ZNF560: variants seen among roughly 807,000 people sequenced by gnomAD.
ZNF560 encodes zinc finger protein 560.
A neutral mutation model predicts 81.8 loss-of-function variants in ZNF560; 54 were observed. The observed-to-expected ratio is 0.66, with a 90% CI of 0.53 to 0.83. The LOEUF is 0.83. Ranked by LOEUF, ZNF560 falls within the 40% of genes least tolerant of loss-of-function variation. ZNF560 has a pLI of 0.00. For synonymous variants in ZNF560, 321 were observed against 317.9 expected, an observed-to-expected ratio of 1.01 and a Z score of -0.10; for missense variants, 940 against 932.4, an observed-to-expected ratio of 1.01 and a Z score of -0.11.
intron 7 of ZNF560, among the ~76,000 whole-genome samples, chr19:9,470,134 G>C (rs2073097779): frequency 6.6e-6 from 1 of 152,084 alleles, no homozygotes; most frequent in African/African-American, 2.4e-5. Context: ...TTTTGATTTA[G>C]TACATCGAGT....
chr19:9,487,562 G>A (rs1015821922), intron 2 of ZNF560, among the ~76,000 whole-genome samples: 6 of 152,212 alleles, frequency 3.9e-5, no homozygotes, highest in African/African-American at 1.4e-4. Context: ...ATGCCATGCA[G>A]GGGTCCATGC....
intron 9 of ZNF560, among the ~76,000 whole-genome samples, chr19:9,468,884 T>C (rs1821273): frequency 0.1 from 15,524 of 151,980 alleles, 952 homozygotes; most frequent in South Asian, 0.2. Flanking sequence ...TACACACCAC[T>C]ATGCCCAGCT....
chr19:9,503,928 C>T, the ZNF560 span, among the ~76,000 whole-genome samples: 16 of 152,206 alleles, frequency 1.1e-4, no homozygotes, highest in South Asian at 1.9e-3. Context: ...AATAATTAAA[C>T]GAAGCTAATT....
intron 2 of ZNF560, among the ~76,000 whole-genome samples, chr19:9,497,341 C>A (rs936377418): frequency 6.6e-6 from 1 of 151,996 alleles, no homozygotes; most frequent in Non-Finnish European, 1.5e-5. Context: ...AGCTTACCAT[C>A]CTGGCTATCA....
chr19:9,493,638 T>C (rs2073507602), intron 2 of ZNF560, among the ~76,000 whole-genome samples: 1 of 152,130 alleles, frequency 6.6e-6, no homozygotes, highest in Non-Finnish European at 1.5e-5. Context: ...TTACAGGTGT[T>C]AGCCACCACA....
the ZNF560 span, among the ~76,000 whole-genome samples, chr19:9,455,321 C>CT: frequency 2.7e-4 from 41 of 152,326 alleles, no homozygotes; most frequent in African/African-American, 8.4e-4. Flanking sequence ...ATGGGACACT[C>CT]TTACTCGAGC....
intron 2 of ZNF560, among the ~76,000 whole-genome samples, chr19:9,479,779 T>C (rs2073257424): frequency 6.6e-6 from 1 of 152,044 alleles, no homozygotes; most frequent in Admixed American, 6.6e-5. Context: ...AAAGATATTT[T>C]AAAGTACATG....
intron 2 of ZNF560, among the ~76,000 whole-genome samples, chr19:9,481,081 T>TC (rs1568459742): frequency 4.4e-4 from 40 of 90,316 alleles, no homozygotes; most frequent in African/African-American, 1.5e-3. Flanking sequence ...AGAGATTATC[T>TC]GAAAAAAAAA....
At chr19:9,454,067 G>A in the ZNF560 span, among the ~76,000 whole-genome samples, 15 of 152,298 alleles carry the variant, frequency 9.8e-5, no homozygotes, top group East Asian at 9.7e-4. Context: ...CACCCAGGGC[G>A]GAAAACTTCT....
At chr19:9,503,932 G>C in the ZNF560 span, among the ~76,000 whole-genome samples, 1 of 152,118 alleles carries the variant, frequency 6.6e-6, no homozygotes, top group Non-Finnish European at 1.5e-5. Flanking sequence ...ATTAAACGAA[G>C]CTAATTAACA....
rs2073092846 is a variant in ZNF560 at position 9,469,708 on chromosome 19, A to C, written c.451T>G (p.Tyr151Asp). Reference protein sequence around the residue: ...ENYKNLSSVGYQLFKPSLISW... With the variant: ...ENYKNLSSVGDQLFKPSLISW... Reference sequence around the variant, plus strand: ...ATCAGACTGGGTTTGAAGAGCTGGTAACCTGTACACAGGGAAAGATACACC... The same window carrying C: ...ATCAGACTGGGTTTGAAGAGCTGGTCACCTGTACACAGGGAAAGATACACC... Residue 151 changes from tyrosine to aspartate, a missense_variant and splice_region_variant, in exon 8 of 10, where the codon TAC becomes GAC. Tyr to Asp is a radical substitution (Grantham distance 160). Transcript: ENST00000301480. The C allele has an allele frequency of 6.2e-7, 1 of 1,614,026 alleles. No individual in the cohort carries two copies. Among genetic ancestry groups the C allele is most frequent in the Admixed American group, 1.7e-5 (1 of 59,994 alleles).
At chr19:9,488,469 C>T (rs1017119083) in intron 2 of ZNF560, among the ~76,000 whole-genome samples, 24 of 152,026 alleles carry the variant, frequency 1.6e-4, no homozygotes, top group African/African-American at 5.3e-4. Context: ...TTGTGACAAT[C>T]TCATTTGGTC....
intron 6 of ZNF560, 99 bp from the exon 7 acceptor site, chr19:9,470,617 G>A (rs2073106663): frequency 2.6e-6 from 4 of 1,556,138 alleles, no homozygotes; most frequent in African/African-American, 1.4e-5. Flanking sequence ...ACAGGGTACT[G>A]AGTGCTCCCA....
chr19:9,460,199 C>T, the ZNF560 span, among the ~76,000 whole-genome samples: 2 of 152,144 alleles, frequency 1.3e-5, no homozygotes, highest in African/African-American at 4.8e-5. Flanking sequence ...CTGGTGGCAG[C>T]ATTGTCCAAG....
downstream of ZNF560, among the ~76,000 whole-genome samples, chr19:9,463,727 G>C (rs187024794): frequency 6.6e-6 from 1 of 152,304 alleles, no homozygotes; most frequent in East Asian, 1.9e-4. Context: ...CTGTCACCCA[G>C]GTTGGAGTCC....
At chr19:9,478,218 G>A (rs534541817) in intron 2 of ZNF560, among the ~76,000 whole-genome samples, 1 of 152,150 alleles carries the variant, frequency 6.6e-6, no homozygotes, top group African/African-American at 2.4e-5. Flanking sequence ...GACCTTACAG[G>A]CCAGGAGAGA....
chr19:9,468,308 G>A lies in ZNF560; in HGVS notation c.639C>T (p.Leu213=). Residue 213 remains leucine, a synonymous_variant, in exon 10 of 10, where the codon CTC becomes CTT. Transcript: ENST00000301480. ...CATCTTCACATTGCTTACAGTCATA[G>A]AGTTCCTCTCCATTTTGGTTTCTTG... ...QLARNQNGEE[L]YDCKQCEDVF... 1 of 1,600,948 alleles carries A rather than the reference G, an allele frequency of 6.2e-7. No homozygotes were observed. Among genetic ancestry groups the A allele is most frequent in the Non-Finnish European group, 8.5e-7 (1 of 1,175,276 alleles).
downstream of ZNF560, among the ~76,000 whole-genome samples, chr19:9,463,699 G>GT (rs2072970936): frequency 6.6e-6 from 1 of 152,090 alleles, no homozygotes; most frequent in African/African-American, 2.4e-5. Flanking sequence ...GTTTTGTTTT[G>GT]TTTTTGAGAC....
In ZNF560 at chr19:9,474,254, C is replaced by G. The variant is rs1250389997; in HGVS notation, c.102G>C (p.Gln34His). ...GCATCACATCTCTGTATAAGTTTCT[C>G]TGAACTGGGTCCAGTAAAATCCACT... ...QEEWILLDPV[Q>H]RNLYRDVMLE... Residue 34 changes from glutamine to histidine, a missense_variant, in exon 4 of 10, where the codon CAG becomes CAC. Physicochemically the swap from Gln to His is conservative, Grantham distance 24 (BLOSUM62 0). Coordinates refer to ENST00000301480, the MANE Select transcript of ZNF560 (RefSeq NM_152476.3). 2 of 1,614,174 alleles carry G rather than the reference C, an allele frequency of 1.2e-6. No individual in the cohort carries two copies. Among genetic ancestry groups the G allele is most frequent in the East Asian group, 2.2e-5 (1 of 44,874 alleles).
Sources: gnomAD v4.1 joint callset for allele counts (sites outside exome capture counted in the v4.1 genomes callset) on GRCh38, gnomAD v4.1.1 for gene constraint, MANE v1.5 for transcripts, NCBI Gene and HGNC (gene_info 2026-07-23, HGNC 2026-07-21) for gene names.